The following PCDH15 variants were observed in gnomAD, a reference collection of about 807,000 sequenced individuals.
The protein encoded by PCDH15 is protocadherin related 15, also known as protocadherin-15.
PCDH15 carries 129 observed loss-of-function variants against 178.5 expected under a neutral mutation model. That is an observed-to-expected ratio of 0.72 (90% CI 0.63 to 0.84). The LOEUF (loss-of-function observed/expected upper bound fraction) is 0.84. PCDH15 is among the 40% of genes least tolerant of loss of function. The pLI, the probability that PCDH15 is intolerant of heterozygous loss-of-function variation, is 0.00. For synonymous variants in PCDH15, 800 were observed against 732.0 expected, an observed-to-expected ratio of 1.09 and a Z score of -1.50; for missense variants, 2,230 against 2,099.9, an observed-to-expected ratio of 1.06 and a Z score of -1.21.
chr10:55,046,279 C>T (rs914369873), intron 2 of PCDH15, among the ~76,000 whole-genome samples: 12 of 151,950 alleles, frequency 7.9e-5, no homozygotes, highest in Non-Finnish European at 1.2e-4. Flanking sequence ...AGAGGAGCTT[C>T]GAAGCTCCTC....
chr10:53,921,824 T>C (rs1451743317), intron 25 of PCDH15, among the ~76,000 whole-genome samples: 3 of 152,192 alleles, frequency 2.0e-5, no homozygotes, highest in Non-Finnish European at 4.4e-5. Flanking sequence ...TGTTTCCAAC[T>C]TACTAACCAT....
At chr10:55,126,769 A>T (rs1837910335) in intron 2 of PCDH15, among the ~76,000 whole-genome samples, 1 of 152,084 alleles carries the variant, frequency 6.6e-6, no homozygotes, top group Non-Finnish European at 1.5e-5. Flanking sequence ...GGAGAAAATT[A>T]TCCTGTCTCA....
intron 2 of PCDH15, among the ~76,000 whole-genome samples, chr10:55,396,141 G>GA (rs1288887690): frequency 5.3e-5 from 8 of 152,072 alleles, no homozygotes; most frequent in Non-Finnish European, 7.4e-5. Context: ...ATTGCTTTCT[G>GA]AAAAGCTGTT....
chr10:54,694,008 T>C (rs946502279), intron 1 of PCDH15, among the ~76,000 whole-genome samples: 3 of 152,186 alleles, frequency 2.0e-5, no homozygotes, highest in African/African-American at 7.2e-5. Flanking sequence ...CCACTGTGAT[T>C]AACTTAAACT....
intron 21 of PCDH15, among the ~76,000 whole-genome samples, chr10:53,967,181 G>A (rs973126383): frequency 7.2e-5 from 11 of 152,132 alleles, no homozygotes; most frequent in Non-Finnish European, 4.4e-5. Flanking sequence ...CACGAAATCT[G>A]ATGGTTTTAT....
chr10:55,580,360 A>ATTTTTTT (rs71017103), intron 2 of PCDH15, among the ~76,000 whole-genome samples: 4 of 131,610 alleles, frequency 3.0e-5, no homozygotes, highest in Non-Finnish European at 4.9e-5. Context: ...TTATTTTTTT[A>ATTTTTTT]TTTTTTTTTT....
intron 3 of PCDH15, among the ~76,000 whole-genome samples, chr10:54,854,156 G>A (rs144678770): frequency 5.9e-5 from 9 of 152,282 alleles, no homozygotes; most frequent in African/African-American, 2.2e-4. Flanking sequence ...CTCTCTGCAA[G>A]GCTGTGGCCA....
At chr10:53,978,428 A>G (rs1298813556) in intron 21 of PCDH15, among the ~76,000 whole-genome samples, 6 of 152,104 alleles carry the variant, frequency 3.9e-5, no homozygotes, top group East Asian at 1.9e-4. Flanking sequence ...TGGAGTGGCT[A>G]GGATGCAGGG....
rs372462933 is a variant in PCDH15 at position 54,317,566 on chromosome 10, G to A, written c.706-125C>T. The A allele has an allele frequency of 4.7e-5, 50 of 1,060,522 alleles. No individual in the cohort carries two copies. The East Asian group carries it at 6.7e-4, about 14-fold the overall frequency. 65.7% of individuals were successfully genotyped at this position (1,060,522 alleles called of 1,614,324 possible). Reference sequence around the variant, plus strand: ...AAGGTGGGTGGATCACTTGAGGTCAGGGGTTTGATACCAGCCTGGCAAACA... The same window carrying A: ...AAGGTGGGTGGATCACTTGAGGTCAAGGGTTTGATACCAGCCTGGCAAACA... On this transcript the variant is annotated intron_variant, in intron 7 of 37. Coordinates refer to ENST00000644397, the MANE Select transcript of PCDH15 (RefSeq NM_001384140.1).
chr10:55,047,339 T>A (rs1213650768), intron 2 of PCDH15, among the ~76,000 whole-genome samples: 1 of 151,832 alleles, frequency 6.6e-6, no homozygotes, highest in Non-Finnish European at 1.5e-5. Context: ...ACAAAACATA[T>A]CCATTACATT....
At chr10:54,012,341 GA>G (rs777880364) in intron 20 of PCDH15, among the ~76,000 whole-genome samples, 1 of 152,108 alleles carries the variant, frequency 6.6e-6, no homozygotes, top group Non-Finnish European at 1.5e-5. Context: ...GGGAAATGGG[GA>G]AAAAGCAGGC....
chr10:55,489,382 C>T (rs1372509276), intron 2 of PCDH15, among the ~76,000 whole-genome samples: 4 of 151,456 alleles, frequency 2.6e-5, no homozygotes, highest in Non-Finnish European at 5.9e-5. Context: ...ATTTAAAAGC[C>T]ATTGAGAAGG....
chr10:54,123,891 AAC>A (rs1425863882), intron 15 of PCDH15, among the ~76,000 whole-genome samples: 3 of 152,328 alleles, frequency 2.0e-5, no homozygotes, highest in Admixed American at 6.5e-5. Context: ...TAATTGAATT[AAC>A]ACAGAAATAG....
At chr10:54,228,048 A>G (rs7899428) in intron 9 of PCDH15, among the ~76,000 whole-genome samples, 8,334 of 152,208 alleles carry the variant, frequency 0.055, 564 homozygotes, top group African/African-American at 0.17. Context: ...GAGCCCTGCA[A>G]ACTGTTCCAA....
intron 1 of PCDH15, among the ~76,000 whole-genome samples, chr10:54,709,623 T>TATATAG (rs2095408146): frequency 6.9e-6 from 1 of 144,384 alleles, no homozygotes; most frequent in Non-Finnish European, 1.5e-5. Flanking sequence ...TATATATATA[T>TATATAG]ATATAAAATC....
intron 2 of PCDH15, among the ~76,000 whole-genome samples, chr10:54,645,641 G>A (rs2094114454): frequency 1.3e-5 from 2 of 152,120 alleles, no homozygotes; most frequent in Admixed American, 6.6e-5. Flanking sequence ...AATGAAGTAT[G>A]TAGAAAGTAT....
chr10:54,786,462 A>G (rs1311024798), intron 1 of PCDH15, among the ~76,000 whole-genome samples: 1 of 152,004 alleles, frequency 6.6e-6, no homozygotes, highest in African/African-American at 2.4e-5. Flanking sequence ...CAGGCAAGTT[A>G]TTTTTCAAGT....
chr10:53,992,936 G>A lies in PCDH15; in HGVS notation c.2868+2713C>T, dbSNP rs1011236523. ...AATTCTTATTTTGTATTCAACAATA[G>A]TGCTCTCTCTGGCTTTCAGAGTTTT... On this transcript the variant is annotated intron_variant, in intron 21 of 37. Coordinates refer to ENST00000644397, the MANE Select transcript of PCDH15 (RefSeq NM_001384140.1). 2.6e-5 allele frequency among the ~76,000 whole-genome samples: 4 copies of A among 152,272 alleles called. No homozygotes were observed. The East Asian group carries it at 7.7e-4, about 29-fold the overall frequency.
At chr10:54,803,473 A>G (rs932377029), upstream of PCDH15, among the ~76,000 whole-genome samples, 1 of 152,176 alleles carries the variant, frequency 6.6e-6, no homozygotes, top group Non-Finnish European at 1.5e-5. Flanking sequence ...TAACCAAATG[A>G]CAAAAGCTTG....
Sources: gnomAD v4.1 joint callset for allele counts (sites outside exome capture counted in the v4.1 genomes callset) on GRCh38, gnomAD v4.1.1 for gene constraint, MANE v1.5 for transcripts, NCBI Gene and HGNC (gene_info 2026-07-23, HGNC 2026-07-21) for gene names.